The following MAN1C1 variants were observed in gnomAD, a reference collection of about 807,000 sequenced individuals.
MAN1C1 encodes the protein mannosidase alpha class 1C member 1.
MAN1C1 carries 49 observed loss-of-function variants against 71.5 expected under a neutral mutation model. That is an observed-to-expected ratio of 0.69 (90% CI 0.54 to 0.87). The LOEUF is 0.87. Ranked by LOEUF, MAN1C1 falls within the 40% of genes least tolerant of loss-of-function variation. The probability of loss-of-function intolerance (pLI) is 0.00; values close to 1 mark genes in which losing one functional copy is unlikely to be tolerated. For missense variants in MAN1C1, 743 were observed against 835.0 expected, an observed-to-expected ratio of 0.89 and a Z score of 1.36; for synonymous variants, 352 against 343.7, an observed-to-expected ratio of 1.02 and a Z score of -0.27.
intron 2 of MAN1C1, among the ~76,000 whole-genome samples, chr1:25,707,963 G>A (rs771658763): frequency 6.6e-6 from 1 of 152,212 alleles, no homozygotes; most frequent in Non-Finnish European, 1.5e-5. Context: ...GTCATGAACT[G>A]GCTGTAGGAG....
At position 25,734,516 on chromosome 1, in the gene MAN1C1, G is replaced by A. The variant is rs1572182454; in HGVS notation, c.638-12152G>A. Among the ~76,000 whole-genome samples the A allele has an allele frequency of 4.6e-5, 7 of 152,366 alleles. 1 individual carries two copies. Among genetic ancestry groups the A allele is most frequent in the African/African-American group, 1.7e-4 (7 of 41,590 alleles). On this transcript the variant is annotated intron_variant, in intron 2 of 11. Transcript: ENST00000374332. The stretch of plus-strand genomic sequence containing the variant: ...TTGTTCTTAACTTCTGATAAGGAAG[G>A]GTTGGCTGGCATTTAGAATTCCACA...
In MAN1C1 at chr1:25,776,712, G is replaced by A. The variant is rs2047623501; in HGVS notation, c.1258-1393G>A. ...GACACCAAGGAAATATTACATGGCTGCCGAGATATTGTAAGCCAGGAGGGT... is the reference window on the plus strand; with the variant it reads ...GACACCAAGGAAATATTACATGGCTACCGAGATATTGTAAGCCAGGAGGGT... On this transcript the variant is annotated intron_variant, in intron 8 of 11. Transcript: ENST00000374332. The surrounding 1 kb of genome is among the most constrained non-coding windows in gnomAD (Gnocchi z 4.3). 6.6e-6 allele frequency among the ~76,000 whole-genome samples: 1 copy of A among 152,126 alleles called. No homozygotes were observed. The highest frequency in any genetic ancestry group is 2.4e-5 in the African/African-American group (1 of 41,408).
At chr1:25,747,354 G>A (rs529460077) in intron 3 of MAN1C1, among the ~76,000 whole-genome samples, 12 of 152,344 alleles carry the variant, frequency 7.9e-5, no homozygotes, top group African/African-American at 2.2e-4. Context: ...GGGAATGGTC[G>A]TGTGTCTGGA....
chr1:25,697,269 A>G (rs1008566276), intron 2 of MAN1C1, among the ~76,000 whole-genome samples: 4 of 152,192 alleles, frequency 2.6e-5, no homozygotes, highest in Admixed American at 2.6e-4. Flanking sequence ...TGAACACTTC[A>G]TATAAATGCT....
intron 1 of MAN1C1, among the ~76,000 whole-genome samples, chr1:25,637,869 A>G (rs774179652): frequency 2.0e-5 from 3 of 151,098 alleles, no homozygotes; most frequent in African/African-American, 4.9e-5. Flanking sequence ...CAGCTTTCAT[A>G]TGATTAGTGT....
chr1:25,720,343 C>T (rs2046746767), intron 2 of MAN1C1, among the ~76,000 whole-genome samples: 2 of 151,674 alleles, frequency 1.3e-5, no homozygotes, highest in South Asian at 4.2e-4. Context: ...TCCAAGTAGC[C>T]AGGATTACAG....
rs566491146 is a variant in MAN1C1 at position 25,757,027 on chromosome 1, C to A, written c.930-1565C>A. 1.2e-3 allele frequency among the ~76,000 whole-genome samples: 183 copies of A among 152,258 alleles called. 3 individuals carry two copies. Among genetic ancestry groups the A allele is most frequent in the African/African-American group, 4.4e-3 (181 of 41,550 alleles). ...TGAGGTCACTTGACCCCAAAGATCT[C>A]AAAACCCGAGCCCTTCGTCTGTTCC... is the stretch of plus-strand genomic sequence containing the variant. On this transcript the variant is annotated intron_variant, in intron 5 of 11. Transcript: ENST00000374332.
rs1237021762 is a variant in MAN1C1 at position 25,769,916 on chromosome 1, GGGGAGGGACCGGGAGCA to G, written c.1142-1738_1142-1722del. ...CACTTAATCCCCGTGGCCACCCTAT[GGGGAGGGACCGGGAGCA>G]GGCTTGTGAGAATGCCTGAGCCCCC... On this transcript the variant is annotated intron_variant, in intron 7 of 11. Transcript: ENST00000374332. This position sits in a 1 kb window ranked among gnomAD's most constrained non-coding sequence, Gnocchi z 4.8. 1.3e-5 allele frequency among the ~76,000 whole-genome samples: 2 copies of G among 152,196 alleles called. No individual in the cohort carries two copies. The highest frequency in any genetic ancestry group is 2.9e-5 in the Non-Finnish European group (2 of 68,028).
intron 1 of MAN1C1, chr1:25,646,462 T>C (rs1399399394): frequency 6.6e-6 from 1 of 152,298 alleles, no homozygotes. Flanking sequence ...CATAAAAATA[T>C]ATGTTAGCCA....
chr1:25,669,111 G>A (rs960536765), intron 1 of MAN1C1, among the ~76,000 whole-genome samples: 3 of 152,222 alleles, frequency 2.0e-5, no homozygotes, highest in Non-Finnish European at 2.9e-5. Context: ...GTCATGGGCC[G>A]TGGGTTCATT....
chr1:25,679,950 A>AAATAT (rs1285307256), intron 1 of MAN1C1, among the ~76,000 whole-genome samples: 27 of 117,234 alleles, frequency 2.3e-4, no homozygotes, highest in Middle Eastern at 4.6e-3. Flanking sequence ...AAAAAAAAAA[A>AAATAT]ATATATATAT....
chr1:25,727,233 A>G (rs1461106654), intron 2 of MAN1C1, among the ~76,000 whole-genome samples: 1 of 152,102 alleles, frequency 6.6e-6, no homozygotes, highest in African/African-American at 2.4e-5. Flanking sequence ...GTTTAACAAC[A>G]CTGCTCAGGG....
intron 1 of MAN1C1, among the ~76,000 whole-genome samples, chr1:25,644,210 G>A (rs1024108755): frequency 6.6e-6 from 1 of 152,018 alleles, no homozygotes; most frequent in Non-Finnish European, 1.5e-5. Context: ...AGGAGAATGT[G>A]GGCAATCCTG....
rs2045130455 is a variant in MAN1C1 at position 25,617,903 on chromosome 1, T to C, written c.106T>C (p.Cys36Arg). 1.2e-5 allele frequency: 19 copies of C among 1,608,114 alleles called. No homozygotes were observed. The highest frequency in any genetic ancestry group is 1.5e-5 in the Non-Finnish European group (18 of 1,178,056). ...LLFLSGLVTL[C>R]FGALFLLPHS... ...CTTCCTCTCGGGCCTGGTCACCCTGTGCTTCGGGGCCCTCTTCCTGCTGCC... is the reference window on the plus strand; with the variant it reads ...CTTCCTCTCGGGCCTGGTCACCCTGCGCTTCGGGGCCCTCTTCCTGCTGCC... Residue 36 changes from cysteine (C) to arginine (R), a missense_variant, in exon 1 of 12, where the codon TGC becomes CGC. Coordinates refer to ENST00000374332, the MANE Select transcript of MAN1C1 (RefSeq NM_020379.4). The surrounding 1 kb of genome is among the most constrained non-coding windows in gnomAD (Gnocchi z 5.1).
At chr1:25,752,585 G>A (rs2047231336) in intron 4 of MAN1C1, among the ~76,000 whole-genome samples, 1 of 152,166 alleles carries the variant, frequency 6.6e-6, no homozygotes, top group Admixed American at 6.5e-5. Context: ...AAACAATGCT[G>A]GAATAAATAA....
At chr1:25,638,850 CGTT>C (rs2045499889) in intron 1 of MAN1C1, among the ~76,000 whole-genome samples, 2 of 152,050 alleles carry the variant, frequency 1.3e-5, no homozygotes, top group African/African-American at 4.8e-5. Flanking sequence ...GTGTGATTGT[CGTT>C]GTTGATCTTT....
chr1:25,693,649 T>G (rs2046334956), intron 2 of MAN1C1, among the ~76,000 whole-genome samples: 1 of 152,032 alleles, frequency 6.6e-6, no homozygotes, highest in Non-Finnish European at 1.5e-5. Context: ...AGAGAAAATT[T>G]GCGATTAGGT....
In MAN1C1 at chr1:25,753,394, T is replaced by TG; in HGVS notation, c.835-84dup. On this transcript the variant is annotated intron_variant, in intron 4 of 11. Coordinates refer to ENST00000374332, the MANE Select transcript of MAN1C1 (RefSeq NM_020379.4). This position sits in a 1 kb window ranked among gnomAD's most constrained non-coding sequence, Gnocchi z 4.9. ...GCCCCCTACTCTAGACCTGCAGCCC[T>TG]GGGGGGTTCATCCTGCCTGCAGCAG... is the stretch of plus-strand genomic sequence containing the variant. 1.1e-6 allele frequency: 1 copy of TG among 929,222 alleles called. No homozygotes were observed. The highest frequency in any genetic ancestry group is 2.7e-5 in the East Asian group (1 of 37,110). The allele number at this position is 929,222 out of a possible 1,614,324, so 57.6% of individuals were successfully genotyped here.
intron 1 of MAN1C1, among the ~76,000 whole-genome samples, chr1:25,623,156 C>T (rs2045240016): frequency 6.6e-6 from 1 of 152,174 alleles, no homozygotes; most frequent in African/African-American, 2.4e-5. Flanking sequence ...TGGACAGGCC[C>T]CTTGGAAAAC....
Sources: gnomAD v4.1 joint callset for allele counts (sites outside exome capture counted in the v4.1 genomes callset) on GRCh38, gnomAD v4.1.1 for gene constraint, Gnocchi (gnomAD v3.1) non-coding constraint, MANE v1.5 for transcripts, NCBI Gene and HGNC (gene_info 2026-07-23, HGNC 2026-07-21) for gene names.